The following MACROD2 variants were observed in gnomAD, a reference collection of about 807,000 sequenced individuals.
The protein encoded by MACROD2 is mono-ADP ribosylhydrolase 2.
A neutral mutation model predicts 70.4 loss-of-function variants in MACROD2; 36 were observed. That is an observed-to-expected ratio of 0.51 (90% CI 0.39 to 0.68). The LOEUF is 0.68. Among genes scored for constraint, MACROD2 ranks in the 30% least tolerant of loss-of-function variants. MACROD2 has a pLI of 0.00. For missense variants in MACROD2, 496 were observed against 538.4 expected (o/e 0.92, Z 0.78); for synonymous variants, 172 against 178.8 (o/e 0.96, Z 0.30).
chr20:14,725,241 T>C (rs1214830643), intron 5 of MACROD2, among the ~76,000 whole-genome samples: 1 of 152,078 alleles, frequency 6.6e-6, no homozygotes, highest in Non-Finnish European at 1.5e-5. Flanking sequence ...TACTTCAGGG[T>C]ATTAAGTAGC....
At chr20:14,721,939 C>A (rs1003137991) in intron 5 of MACROD2, among the ~76,000 whole-genome samples, 1 of 152,158 alleles carries the variant, frequency 6.6e-6, no homozygotes, top group African/African-American at 2.4e-5. Flanking sequence ...GACTTAGGCC[C>A]ATGACAGACT....
chr20:14,139,238 C>T (rs111744226), intron 3 of MACROD2, among the ~76,000 whole-genome samples: 2,213 of 152,326 alleles, frequency 0.015, 51 homozygotes, highest in African/African-American at 0.05. Flanking sequence ...ATCCACCCGC[C>T]TCAGCCTCCC....
chr20:14,006,104 T>C (rs1449049869), intron 2 of MACROD2, among the ~76,000 whole-genome samples: 1 of 152,224 alleles, frequency 6.6e-6, no homozygotes, highest in Non-Finnish European at 1.5e-5. Context: ...TATAGTTGCC[T>C]ACAGTATTCT....
At chr20:16,026,675 G>A (rs748226395) in intron 15 of MACROD2, among the ~76,000 whole-genome samples, 14 of 152,290 alleles carry the variant, frequency 9.2e-5, no homozygotes, top group South Asian at 8.3e-4. Flanking sequence ...GGGGTCCTCT[G>A]TTCACATCTC....
intron 5 of MACROD2, among the ~76,000 whole-genome samples, chr20:14,930,357 T>C (rs6135314): frequency 0.061 from 9,283 of 152,198 alleles, 502 homozygotes; most frequent in East Asian, 0.26. Context: ...TTAAACACAG[T>C]TGAGTTCTTA....
Position 16,044,646 on chromosome 20 carries a change from T to C in MACROD2, c.1300+7T>C, listed in dbSNP as rs1477748135. On this transcript the variant is annotated splice_region_variant and intron_variant, in intron 17 of 17. Transcript: ENST00000684519. ...CAAGAAGATCAACTAATAGGTAAGA[T>C]GCCCCTTGTGGTGAGATTTTCAATG... 7 of 1,609,270 alleles carry C rather than the reference T, an allele frequency of 4.3e-6. No individual in the cohort carries two copies. The highest frequency in any genetic ancestry group is 2.2e-5 in the East Asian group (1 of 44,784).
intron 6 of MACROD2, among the ~76,000 whole-genome samples, chr20:15,267,985 C>T (rs745361897): frequency 1.3e-5 from 2 of 152,208 alleles, no homozygotes; most frequent in African/African-American, 2.4e-5. Context: ...CGAACCTAAT[C>T]TTTCCTGGTC....
rs368922809 is a variant in MACROD2 at position 15,148,040 on chromosome 20, C to G, written c.419-81900C>G. 8.5e-5 allele frequency among the ~76,000 whole-genome samples: 13 copies of G among 152,062 alleles called. No homozygotes were observed. In the East Asian group the frequency reaches 2.3e-3, roughly 27 times the overall value. On this transcript the variant is annotated intron_variant, in intron 5 of 17. Transcript: ENST00000684519. ...GATGGCTTAGCTTGGGCTCAGAGGC[C>G]TGACATTCCTGTCTTCTTATATTAA...
chr20:15,881,595 A>G (rs550713043), intron 9 of MACROD2, among the ~76,000 whole-genome samples: 1 of 152,146 alleles, frequency 6.6e-6, no homozygotes, highest in Non-Finnish European at 1.5e-5. Context: ...TGTAGAGGTT[A>G]CATGTCTTGG....
At chr20:14,545,115 A>G (rs1295879325) in intron 4 of MACROD2, among the ~76,000 whole-genome samples, 1 of 152,200 alleles carries the variant, frequency 6.6e-6, no homozygotes, top group African/African-American at 2.4e-5. Flanking sequence ...ATGTAAGTGT[A>G]GCTGATTAAA....
intron 3 of MACROD2, among the ~76,000 whole-genome samples, chr20:14,358,421 C>T (rs2083192602): frequency 6.6e-6 from 1 of 151,926 alleles, no homozygotes; most frequent in African/African-American, 2.4e-5. Flanking sequence ...CTTAACACCC[C>T]TAGGAGGTAG....
chr20:14,820,300 T>G (rs1433481032), intron 5 of MACROD2, among the ~76,000 whole-genome samples: 1 of 151,728 alleles, frequency 6.6e-6, no homozygotes, highest in East Asian at 1.9e-4. Flanking sequence ...GAGTCGTGGA[T>G]GTAGATTTAA....
chr20:16,039,695 T>C (rs1421481527), intron 15 of MACROD2, among the ~76,000 whole-genome samples: 1 of 151,982 alleles, frequency 6.6e-6, no homozygotes. Flanking sequence ...AGTATGTTGA[T>C]GAACAATTGA....
At chr20:14,957,851 T>G (rs2074550480) in intron 5 of MACROD2, among the ~76,000 whole-genome samples, 1 of 151,646 alleles carries the variant, frequency 6.6e-6, no homozygotes. Flanking sequence ...GTGTGTAATT[T>G]TATTGTACTA....
At chr20:14,062,688 G>A (rs1051321255) in intron 2 of MACROD2, among the ~76,000 whole-genome samples, 2 of 151,908 alleles carry the variant, frequency 1.3e-5, no homozygotes, top group African/African-American at 2.4e-5. Context: ...TGAATGTCAC[G>A]GGGAGAAAAA....
intron 4 of MACROD2, among the ~76,000 whole-genome samples, chr20:14,513,475 T>G (rs2085053125): frequency 6.6e-6 from 1 of 152,116 alleles, no homozygotes; most frequent in Admixed American, 6.6e-5. Context: ...TTAAATGAGT[T>G]AGCCAAGGGA....
At chr20:14,086,786 G>C (rs1167138241) in intron 3 of MACROD2, among the ~76,000 whole-genome samples, 1 of 152,156 alleles carries the variant, frequency 6.6e-6, no homozygotes, top group Non-Finnish European at 1.5e-5. Flanking sequence ...TGGAAAGTCT[G>C]TTTCTGGCCT....
intron 5 of MACROD2, among the ~76,000 whole-genome samples, chr20:15,018,811 A>G (rs1301532048): frequency 6.6e-6 from 1 of 152,178 alleles, no homozygotes. Context: ...ACACCCACAC[A>G]GACACACCCA....
intron 8 of MACROD2, among the ~76,000 whole-genome samples, chr20:15,813,935 T>G (rs1308082806): frequency 1.3e-5 from 2 of 152,358 alleles, no homozygotes; most frequent in Non-Finnish European, 2.9e-5. Flanking sequence ...GTTTTTGTTT[T>G]TCCATGTTCA....
Sources: allele counts gnomAD v4.1 joint callset (sites outside exome capture counted in the v4.1 genomes callset), GRCh38; gene constraint gnomAD v4.1.1; transcripts MANE v1.5; gene names NCBI Gene and HGNC (gene_info 2026-07-23, HGNC 2026-07-21).